The following UQCRC2 variants were observed in gnomAD, a reference collection of about 807,000 sequenced individuals.
The protein encoded by UQCRC2 is cytochrome b-c1 complex subunit 2, mitochondrial.
Under a neutral mutation model 55.6 loss-of-function variants are expected in UQCRC2, and 49 were observed. The observed-to-expected ratio is 0.88, with a 90% CI of 0.70 to 1.12. The LOEUF (loss-of-function observed/expected upper bound fraction) is 1.12. Among genes scored for constraint, UQCRC2 ranks in the 50% most tolerant of loss-of-function variants. The probability of loss-of-function intolerance (pLI) is 0.00; values close to 1 mark genes in which losing one functional copy is unlikely to be tolerated. For missense variants in UQCRC2, 506 were observed against 547.8 expected (o/e 0.92, Z 0.76); for synonymous variants, 193 against 192.0 (o/e 1.01, Z -0.04).
At chr16:21,973,638 A>C (rs1017460416) in intron 10 of UQCRC2, among the ~76,000 whole-genome samples, 2 of 152,224 alleles carry the variant, frequency 1.3e-5, no homozygotes, top group Non-Finnish European at 1.5e-5. Flanking sequence ...CATCTAAAGC[A>C]GGTTAGAAAA....
At position 21,953,394 on chromosome 16, in the gene UQCRC2, A is replaced by G. The variant is rs752601227; in HGVS notation, c.-30A>G. The G allele has an allele frequency of 5.0e-6, 8 of 1,611,578 alleles. No individual in the cohort carries two copies. The highest frequency in any genetic ancestry group is 5.1e-6 in the Non-Finnish European group (6 of 1,179,142). On this transcript the variant is annotated 5_prime_UTR_variant, in exon 1 of 14. Transcript: ENST00000268379. ...CCATCTTGCTTTCCTTTAATCCGGC[A>G]GTGACCGTGTGTCAGAACAATCTTG...
In UQCRC2 at chr16:21,957,665, T is replaced by G; in HGVS notation, c.267+99T>G. On this transcript the variant is annotated intron_variant, in intron 3 of 13. Coordinates refer to ENST00000268379, the MANE Select transcript of UQCRC2 (RefSeq NM_003366.4). Reference sequence around the variant, plus strand: ...TCAATGTCTTTATATTTTGATTCCTTGACCTGCCATAACAAATTACCACGG... The same window carrying G: ...TCAATGTCTTTATATTTTGATTCCTGGACCTGCCATAACAAATTACCACGG... 6.1e-6 allele frequency: 9 copies of G among 1,467,306 alleles called. No individual in the cohort carries two copies. In the Admixed American group the frequency reaches 1.4e-4, roughly 22 times the overall value. 90.9% of individuals were successfully genotyped at this position (1,467,306 alleles called of 1,614,324 possible).
At position 21,972,019 on chromosome 16, in the gene UQCRC2, T is replaced by A; in HGVS notation, c.863T>A (p.Val288Asp). The stretch of plus-strand genomic sequence containing the variant: ...AGTGCAGAGGCAAATGCATTTAGTG[T>A]TCTTCAGCATGTCCTCGGTGCTGGG... ...AGSAEANAFS[V>D]LQHVLGAGPH... Residue 288 changes from valine to aspartate, a missense_variant, in exon 10 of 14, where the codon GTT (valine) becomes GAT (aspartate). Coordinates refer to ENST00000268379, the MANE Select transcript of UQCRC2 (RefSeq NM_003366.4). 1 of 1,614,216 alleles carries A rather than the reference T, an allele frequency of 6.2e-7. No homozygotes were observed. Among genetic ancestry groups the A allele is most frequent in the Non-Finnish European group, 8.5e-7 (1 of 1,180,034 alleles).
At position 21,957,399 on chromosome 16, in the gene UQCRC2, A is replaced by G. The variant is rs1363621701; in HGVS notation, c.118-18A>G. 3 of 1,613,794 alleles carry G rather than the reference A, an allele frequency of 1.9e-6. No homozygotes were observed. The highest frequency in any genetic ancestry group is 2.5e-6 in the Non-Finnish European group (3 of 1,179,980). ...ATACGAAGACATTCATTATATCTCT[A>G]CTTTATTTTAAATACAGTTTACCAA... is the stretch of plus-strand genomic sequence containing the variant. On this transcript the variant is annotated intron_variant, in intron 2 of 13. Transcript: ENST00000268379.
intron 13 of UQCRC2, 34 bp from the exon 14 acceptor site, chr16:21,983,054 T>C: frequency 1.1e-5 from 17 of 1,596,564 alleles, no homozygotes; most frequent in Non-Finnish European, 1.3e-5. Flanking sequence ...ATTTTTATTT[T>C]TGTTAATTTT....
At chr16:21,980,465 G>A in intron 12 of UQCRC2, 82 bp from the exon 13 acceptor site, 4 of 1,473,910 alleles carry the variant, frequency 2.7e-6, no homozygotes, top group Non-Finnish European at 3.7e-6. Context: ...AAGCTTTGAT[G>A]TTCACAGCCC....
chr16:21,982,604 A>C (rs941824900), intron 13 of UQCRC2, among the ~76,000 whole-genome samples: 3 of 152,200 alleles, frequency 2.0e-5, no homozygotes, highest in Non-Finnish European at 2.9e-5. Context: ...ACACTGTCCC[A>C]AATTAAAGCA....
intron 10 of UQCRC2, among the ~76,000 whole-genome samples, 178 bp downstream of exon 10, chr16:21,972,300 T>C (rs1043150721): frequency 3.9e-5 from 6 of 152,218 alleles, no homozygotes; most frequent in Non-Finnish European, 8.8e-5. Context: ...CTCACTGGCT[T>C]TTCCACTTTG....
rs1355697486 is a variant in UQCRC2, at chr16:21,965,312, G to A, written c.515-96G>A. On this transcript the variant is annotated intron_variant, in intron 6 of 13. Transcript: ENST00000268379. ...TCTTAACATATGAATGCCAGAAGAT[G>A]ACCAAATTTGTATAGGCTTGTTGCT... 9 of 1,178,568 alleles carry A rather than the reference G, an allele frequency of 7.6e-6. No homozygotes were observed. In the Admixed American group the frequency reaches 1.6e-4, roughly 20 times the overall value. 73.0% of individuals were successfully genotyped at this position (1,178,568 alleles called of 1,614,324 possible). A position where few individuals can be genotyped will look rare whatever the true frequency, so the allele number is the denominator to read the frequency against.
At position 21,982,963 on chromosome 16, in the gene UQCRC2, C is replaced by CA. The variant is rs1036084484; in HGVS notation, c.1279-105dup. 36,791 of 533,780 alleles carry CA rather than the reference C, an allele frequency of 0.069. 777 individuals carry two copies. The highest frequency in any genetic ancestry group is 0.27 in the African/African-American group (7,851 of 29,264). 33.1% of individuals were successfully genotyped at this position (533,780 alleles called of 1,614,324 possible). On this transcript the variant is annotated intron_variant, in intron 13 of 13. Coordinates refer to ENST00000268379, the MANE Select transcript of UQCRC2 (RefSeq NM_003366.4). ...TGGGTGACAGAGCGAGACTCCACCT[C>CA]AAAAAAAAAAAAAAAAAAAAGAATG...
intron 1 of UQCRC2, among the ~76,000 whole-genome samples, chr16:21,956,075 T>C (rs1467676705): frequency 1.3e-5 from 2 of 152,204 alleles, no homozygotes; most frequent in Non-Finnish European, 2.9e-5. Flanking sequence ...TCCGCCCACC[T>C]TGGCCTCCCA....
At chr16:21,974,777 C>T (rs1457415371) in intron 11 of UQCRC2, among the ~76,000 whole-genome samples, 5 of 152,186 alleles carry the variant, frequency 3.3e-5, no homozygotes, top group Admixed American at 3.3e-4. Flanking sequence ...TTATAAATGG[C>T]TCAAGTCTGA....
chr16:21,963,868 C>T (rs906052593), intron 6 of UQCRC2, among the ~76,000 whole-genome samples: 1 of 152,118 alleles, frequency 6.6e-6, no homozygotes, highest in Non-Finnish European at 1.5e-5. Flanking sequence ...TATTGTTTAG[C>T]CATCTCCTCT....
chr16:21,972,236 C>A (rs903419858), intron 10 of UQCRC2, 114 bp downstream of exon 10: 12 of 1,340,726 alleles, frequency 9.0e-6, no homozygotes, highest in Non-Finnish European at 1.0e-5. Flanking sequence ...AATCTTTGTA[C>A]AATTGAAGAG....
Position 21,983,378 on chromosome 16 carries a change from A to G in UQCRC2, c.*207A>G. 1.9e-6 allele frequency: 1 copy of G among 529,718 alleles called. No individual in the cohort carries two copies. Among genetic ancestry groups the G allele is most frequent in the Non-Finnish European group, 3.3e-6 (1 of 303,884 alleles). The allele number at this position is 529,718 out of a possible 1,614,324, so 32.8% of individuals were successfully genotyped here. A position where few individuals can be genotyped will look rare whatever the true frequency, so the allele number is the denominator to read the frequency against. ...TTTCTTACGTTTTTCTCAATGAGTT[A>G]ATCAACAAGTATTTATTATGTGCTG... On this transcript the variant is annotated 3_prime_UTR_variant, in exon 14 of 14. Coordinates refer to ENST00000268379, the MANE Select transcript of UQCRC2 (RefSeq NM_003366.4).
intron 13 of UQCRC2, among the ~76,000 whole-genome samples, chr16:21,981,767 A>T (rs889962802): frequency 6.6e-6 from 1 of 152,028 alleles, no homozygotes; most frequent in Non-Finnish European, 1.5e-5. Context: ...TGTCTCAAAT[A>T]AAAAAGAGAC....
At chr16:21,969,358 A>T (rs1306942540) in intron 8 of UQCRC2, among the ~76,000 whole-genome samples, 4 of 152,068 alleles carry the variant, frequency 2.6e-5, no homozygotes, top group Non-Finnish European at 5.9e-5. Flanking sequence ...ACATGGCGAA[A>T]CCCCGTCTCT....
chr16:21,975,032 A>G (rs151106152), intron 11 of UQCRC2, among the ~76,000 whole-genome samples: 377 of 152,332 alleles, frequency 2.5e-3, no homozygotes, highest in African/African-American at 8.7e-3. Flanking sequence ...AGCGACCACA[A>G]ATTCATAGTA....
At chr16:21,962,724 T>G (rs571755215) in intron 5 of UQCRC2, 37 bp from the exon 6 acceptor site, 253 of 1,612,866 alleles carry the variant, frequency 1.6e-4, no homozygotes, top group Non-Finnish European at 2.1e-4. Context: ...GGCTTTACAT[T>G]TTTGACTCAT....
Sources: allele counts gnomAD v4.1 joint callset (sites outside exome capture counted in the v4.1 genomes callset), GRCh38; gene constraint gnomAD v4.1.1; transcripts MANE v1.5; gene names NCBI Gene and HGNC (gene_info 2026-07-23, HGNC 2026-07-21).